Variants in ACAP2 observed in about 807,000 individuals in gnomAD.
ACAP2 encodes ArfGAP with coiled-coil, ankyrin repeat and PH domains 2.
A neutral mutation model predicts 115.8 loss-of-function variants in ACAP2; 39 were observed. That is an observed-to-expected ratio of 0.34 (90% CI 0.26 to 0.44). The LOEUF is 0.44. Ranked by LOEUF, ACAP2 falls within the 20% of genes least tolerant of loss-of-function variation. The pLI is 1.00. For synonymous variants in ACAP2, 289 were observed against 315.8 expected (o/e 0.92, Z 0.90); for missense variants, 662 against 927.6 (o/e 0.71, Z 3.72).
chr3:195,301,366 G>A (rs1239832167), intron 15 of ACAP2, among the ~76,000 whole-genome samples: 2 of 152,116 alleles, frequency 1.3e-5, no homozygotes, highest in Non-Finnish European at 2.9e-5. Context: ...GATTACAGGC[G>A]TGAGCCACCG....
intron 4 of ACAP2, among the ~76,000 whole-genome samples, chr3:195,352,085 G>A (rs1039081488): frequency 1.3e-5 from 2 of 152,166 alleles, no homozygotes; most frequent in African/African-American, 4.8e-5. Context: ...AAGACAGGCC[G>A]CACATATAAC....
Position 195,307,285 on chromosome 3 carries a change from G to A in ACAP2, c.948C>T (p.Cys316=). ...PTVVVEDLRL[C]TVKHCEDIER... The stretch of plus-strand genomic sequence containing the variant: ...CTATGTCTTCACAATGTTTCACTGT[G>A]CAAAGCCTGAGGTCTTCAACTACCA... The change falls in exon 12 of 23, where the codon TGC becomes TGT. Residue 316 remains cysteine, a synonymous_variant. Coordinates refer to ENST00000326793, the MANE Select transcript of ACAP2 (RefSeq NM_012287.6). 1 of 1,613,216 alleles carries A rather than the reference G, an allele frequency of 6.2e-7. No individual in the cohort carries two copies. The highest frequency in any genetic ancestry group is 1.1e-5 in the South Asian group (1 of 91,016).
At chr3:195,421,859 A>T (rs762353254) in intron 1 of ACAP2, among the ~76,000 whole-genome samples, 1 of 152,212 alleles carries the variant, frequency 6.6e-6, no homozygotes, top group Admixed American at 6.5e-5. Context: ...TGTTCTTTTC[A>T]AGAGATTCAG....
At chr3:195,291,934 C>A in intron 19 of ACAP2, 119 bp from the exon 20 acceptor site, 1 of 832,280 alleles carries the variant, frequency 1.2e-6, no homozygotes. Flanking sequence ...TCCTTCTCTC[C>A]AAAACAAAAA....
At chr3:195,399,855 A>T (rs572772582) in intron 1 of ACAP2, among the ~76,000 whole-genome samples, 1 of 152,254 alleles carries the variant, frequency 6.6e-6, no homozygotes, top group African/African-American at 2.4e-5. Flanking sequence ...AAATAAAAAA[A>T]TTTAAAAAAA....
At chr3:195,441,043 G>A (rs1395201227) in intron 1 of ACAP2, among the ~76,000 whole-genome samples, 4 of 151,474 alleles carry the variant, frequency 2.6e-5, no homozygotes, top group South Asian at 4.2e-4. Flanking sequence ...TATATTCAAT[G>A]ATTTCTTTAT....
intron 6 of ACAP2, among the ~76,000 whole-genome samples, chr3:195,340,633 T>C (rs561810194): frequency 3.3e-5 from 5 of 152,056 alleles, no homozygotes; most frequent in Admixed American, 2.0e-4. Flanking sequence ...TAAATCAAGA[T>C]AAAAGAATGT....
At chr3:195,280,481 TA>T (rs960102352) in intron 22 of ACAP2, among the ~76,000 whole-genome samples, 1 of 151,520 alleles carries the variant, frequency 6.6e-6, no homozygotes, top group African/African-American at 2.4e-5. Context: ...CAATAAAAAA[TA>T]AAAAAAAGAA....
intron 2 of ACAP2, among the ~76,000 whole-genome samples, chr3:195,383,774 T>C (rs568923865): frequency 1.3e-5 from 2 of 152,206 alleles, no homozygotes; most frequent in East Asian, 3.9e-4. Context: ...AAAAAGGGTA[T>C]ATAAATCATT....
At chr3:195,325,766 GATC>G (rs1280671954) in intron 9 of ACAP2, among the ~76,000 whole-genome samples, 1 of 151,980 alleles carries the variant, frequency 6.6e-6, no homozygotes, top group Admixed American at 6.6e-5. Context: ...ATCTTTTCAT[GATC>G]ATGTCATTAA....
At chr3:195,329,219 G>C (rs762925322) in intron 8 of ACAP2, among the ~76,000 whole-genome samples, 16 of 152,176 alleles carry the variant, frequency 1.1e-4, no homozygotes, top group South Asian at 2.1e-4. Flanking sequence ...TTTGGGGGAA[G>C]GCATGAGTTG....
chr3:195,320,936 T>A, intron 9 of ACAP2, 123 bp from the exon 10 acceptor site: 1 of 562,878 alleles, frequency 1.8e-6, no homozygotes, highest in Non-Finnish European at 3.2e-6. Flanking sequence ...TACAACAATA[T>A]TAATAAGAAA....
At chr3:195,355,323 C>T (rs1731887662) in intron 4 of ACAP2, among the ~76,000 whole-genome samples, 1 of 144,682 alleles carries the variant, frequency 6.9e-6, no homozygotes, top group Non-Finnish European at 1.5e-5. Flanking sequence ...TTCTTAAAGC[C>T]CTTCCTCATG....
Position 195,326,947 on chromosome 3 carries a change from C to A in ACAP2, c.682G>T (p.Val228Phe). 2 of 1,613,782 alleles carry A rather than the reference C, an allele frequency of 1.2e-6. No individual in the cohort carries two copies. The highest frequency in any genetic ancestry group is 1.7e-6 in the Non-Finnish European group (2 of 1,179,892). Residue 228 changes from valine to phenylalanine, a missense_variant, in exon 9 of 23, where the codon GTT becomes TTT. Coordinates refer to ENST00000326793, the MANE Select transcript of ACAP2 (RefSeq NM_012287.6). The stretch of plus-strand genomic sequence containing the variant: ...CTTTTCTCCTTTGCTGCATCCACAA[C>A]CAGTCGATCCAACTGTAAAAAGGGA... ...KDLGAQLDRL[V>F]VDAAKEKREM...
In ACAP2 at chr3:195,329,681, A is replaced by C. The variant is rs527701219; in HGVS notation, c.670-2722T>G. On this transcript the variant is annotated intron_variant, in intron 8 of 22. Coordinates refer to ENST00000326793, the MANE Select transcript of ACAP2 (RefSeq NM_012287.6). ...GGGTCCCCAGCTCCATGGAAACAGC[A>C]TCTCTCACAGAGGTAACAACTTTTT... Among the ~76,000 whole-genome samples, 149 of 152,274 alleles carry C rather than the reference A, an allele frequency of 9.8e-4. 2 individuals are homozygous for C. Among genetic ancestry groups the C allele is most frequent in the Admixed American group, 9.4e-3 (144 of 15,288 alleles).
At chr3:195,396,290 C>A (rs887209804) in intron 1 of ACAP2, among the ~76,000 whole-genome samples, 2 of 151,180 alleles carry the variant, frequency 1.3e-5, no homozygotes, top group African/African-American at 4.9e-5. Flanking sequence ...AGAAAAAAAT[C>A]CAACAGCAAG....
intron 7 of ACAP2, chr3:195,335,781 T>G (rs2108634669): frequency 6.6e-6 from 1 of 152,194 alleles, no homozygotes; most frequent in African/African-American, 2.4e-5. Flanking sequence ...CATAGCCTTT[T>G]GGGGAAAAAG....
At chr3:195,435,793 C>T (rs1405072660) in intron 1 of ACAP2, among the ~76,000 whole-genome samples, 1 of 152,128 alleles carries the variant, frequency 6.6e-6, no homozygotes, top group Non-Finnish European at 1.5e-5. Context: ...GAGGATACTT[C>T]ATGTAAACTC....
chr3:195,411,176 T>C (rs892180362), intron 1 of ACAP2, among the ~76,000 whole-genome samples: 12 of 152,186 alleles, frequency 7.9e-5, no homozygotes, highest in African/African-American at 2.4e-4. Context: ...TTCCGCACTG[T>C]TGGTGGGAAT....
Sources: allele counts gnomAD v4.1 joint callset (sites outside exome capture counted in the v4.1 genomes callset), GRCh38; gene constraint gnomAD v4.1.1; transcripts MANE v1.5; gene names NCBI Gene and HGNC (gene_info 2026-07-23, HGNC 2026-07-21).